KCND3: variants seen among roughly 807,000 people sequenced by gnomAD.
KCND3 encodes the protein potassium voltage-gated channel subfamily D member 3.
A neutral mutation model predicts 51.1 loss-of-function variants in KCND3; 9 were observed. That is an observed-to-expected ratio of 0.18 (90% CI 0.11 to 0.31). The LOEUF (loss-of-function observed/expected upper bound fraction) is 0.31. KCND3 is among the 10% of genes least tolerant of loss of function. KCND3 has a pLI of 1.00. For synonymous variants in KCND3, 349 were observed against 368.0 expected (o/e 0.95, Z 0.59); for missense variants, 526 against 903.8 (o/e 0.58, Z 5.36).
chr1:111,836,269 G>A (rs541473495), intron 2 of KCND3, among the ~76,000 whole-genome samples: 8 of 152,246 alleles, frequency 5.3e-5, no homozygotes, highest in South Asian at 2.1e-4. Context: ...AGTTTGGGCC[G>A]CCTGCCTTCT....
intron 2 of KCND3, among the ~76,000 whole-genome samples, chr1:111,947,878 G>A (rs772685747): frequency 8.5e-5 from 13 of 152,214 alleles, no homozygotes; most frequent in Non-Finnish European, 1.9e-4. Context: ...TTGTATTACT[G>A]TGTTTGGCTT....
intron 2 of KCND3, among the ~76,000 whole-genome samples, chr1:111,945,604 T>C (rs1181673376): frequency 6.6e-6 from 1 of 152,190 alleles, no homozygotes; most frequent in East Asian, 1.9e-4. Context: ...AAATGATCGA[T>C]TCAGGCTTTG....
chr1:111,799,959 A>C (rs933154749), intron 2 of KCND3, among the ~76,000 whole-genome samples: 2 of 152,008 alleles, frequency 1.3e-5, no homozygotes, highest in African/African-American at 4.8e-5. Context: ...CCCGTCCGGG[A>C]GGTGAGGGGC....
At chr1:111,782,041 C>T (rs577059766) in intron 3 of KCND3, among the ~76,000 whole-genome samples, 1 of 152,264 alleles carries the variant, frequency 6.6e-6, no homozygotes, top group South Asian at 2.1e-4. Flanking sequence ...CAGACCCATC[C>T]TGGAGTAGAA....
chr1:111,986,708 G>A (rs748906773), intron 1 of KCND3, among the ~76,000 whole-genome samples: 13 of 152,224 alleles, frequency 8.5e-5, no homozygotes, highest in Non-Finnish European at 1.6e-4. Context: ...GTCTCATTGA[G>A]ACCTCTTAAT....
intron 2 of KCND3, among the ~76,000 whole-genome samples, chr1:111,847,982 C>T (rs1667636021): frequency 6.6e-6 from 1 of 152,248 alleles, no homozygotes; most frequent in Admixed American, 6.5e-5. Flanking sequence ...CTCCCACGGC[C>T]TCCCCTCAGG....
intron 2 of KCND3, among the ~76,000 whole-genome samples, chr1:111,885,659 C>T (rs1261619107): frequency 6.6e-6 from 1 of 151,884 alleles, no homozygotes; most frequent in East Asian, 1.9e-4. Flanking sequence ...TTTCCATTTA[C>T]CCTGTTACAT....
At chr1:111,860,388 T>C (rs911163978) in intron 2 of KCND3, among the ~76,000 whole-genome samples, 2 of 152,198 alleles carry the variant, frequency 1.3e-5, no homozygotes, top group Non-Finnish European at 2.9e-5. Context: ...AGGTGCTTGA[T>C]TGATACTTGT....
chr1:111,884,732 G>A (rs1286806798), intron 2 of KCND3, among the ~76,000 whole-genome samples: 3 of 152,222 alleles, frequency 2.0e-5, no homozygotes, highest in Non-Finnish European at 4.4e-5. Flanking sequence ...AGAATTGCAT[G>A]TTAATGTAAC....
Position 111,807,198 on chromosome 1 carries a change from C to A in KCND3, c.1107-20092G>T, listed in dbSNP as rs566759810. On this transcript the variant is annotated intron_variant, in intron 2 of 7. Coordinates refer to ENST00000302127, the MANE Select transcript of KCND3 (RefSeq NM_001378969.1). ...GAAGAAAATGATGATAAAAAGAGACCCCCAAAGAAGTGACATATAGTCATG... is the reference window on the plus strand; with the variant it reads ...GAAGAAAATGATGATAAAAAGAGACACCCAAAGAAGTGACATATAGTCATG... Among the ~76,000 whole-genome samples the A allele has an allele frequency of 3.9e-5, 6 of 152,126 alleles. No individual in the cohort carries two copies. In the South Asian group the frequency reaches 1.2e-3, roughly 32 times the overall value.
chr1:111,929,610 G>C (rs1671867444), intron 2 of KCND3, among the ~76,000 whole-genome samples: 1 of 152,206 alleles, frequency 6.6e-6, no homozygotes, highest in African/African-American at 2.4e-5. Flanking sequence ...GTACCAGAAA[G>C]TGGAGTGAAC....
chr1:111,905,041 G>T (rs200901454), intron 2 of KCND3, among the ~76,000 whole-genome samples: 6 of 152,146 alleles, frequency 3.9e-5, no homozygotes, highest in Non-Finnish European at 7.4e-5. Flanking sequence ...GCTCTTCCCC[G>T]TACCTCCCCA....
At chr1:111,921,817 A>G (rs1263516555) in intron 2 of KCND3, among the ~76,000 whole-genome samples, 1 of 152,144 alleles carries the variant, frequency 6.6e-6, no homozygotes, top group East Asian at 1.9e-4. Flanking sequence ...ATTGCATGAA[A>G]AAAAAGCTGA....
intron 2 of KCND3, among the ~76,000 whole-genome samples, chr1:111,884,132 G>A (rs980632683): frequency 6.6e-6 from 1 of 152,166 alleles, no homozygotes; most frequent in Non-Finnish European, 1.5e-5. Context: ...ATATGGAGAT[G>A]GGCCATTTTT....
intron 2 of KCND3, among the ~76,000 whole-genome samples, chr1:111,927,049 C>T (rs1671735676): frequency 6.6e-6 from 1 of 152,180 alleles, no homozygotes; most frequent in Non-Finnish European, 1.5e-5. Context: ...TCTATTTTTC[C>T]ACTGAATCCT....
At chr1:111,944,841 G>A (rs994903801) in intron 2 of KCND3, among the ~76,000 whole-genome samples, 6 of 152,172 alleles carry the variant, frequency 3.9e-5, no homozygotes, top group South Asian at 2.1e-4. Context: ...TACCATTACC[G>A]GAGGCCCAGG....
In KCND3 at chr1:111,967,680, G is replaced by T. The variant is rs192981291; in HGVS notation, c.1106+13941C>A. 2.6e-4 allele frequency among the ~76,000 whole-genome samples: 40 copies of T among 152,318 alleles called. No individual in the cohort carries two copies. In the East Asian group the frequency reaches 5.6e-3, roughly 21 times the overall value. On this transcript the variant is annotated intron_variant, in intron 2 of 7. Coordinates refer to ENST00000302127, the MANE Select transcript of KCND3 (RefSeq NM_001378969.1). ...GGACCCCAGTGCGCTACCTTCTTAG[G>T]GGCTGGTTCTCCAGGGTAAGGATTA...
Position 111,786,841 on chromosome 1 carries a change from C to G in KCND3, c.1269+103G>C. 2.9e-6 allele frequency: 4 copies of G among 1,393,878 alleles called. No homozygotes were observed. The South Asian group carries it at 4.7e-5, about 16-fold the overall frequency. The allele number at this position is 1,393,878 out of a possible 1,614,324, so 86.3% of individuals were successfully genotyped here. A position where few individuals can be genotyped will look rare whatever the true frequency, so the allele number is the denominator to read the frequency against. The stretch of plus-strand genomic sequence containing the variant: ...CTACCTTACCTTGCAAAGCCAGAGG[C>G]CATCTGTGCAGTGATCCTGTGAGGA... On this transcript the variant is annotated intron_variant, in intron 3 of 7. Coordinates refer to ENST00000302127, the MANE Select transcript of KCND3 (RefSeq NM_001378969.1).
chr1:111,875,881 A>T (rs918146626), intron 2 of KCND3, among the ~76,000 whole-genome samples: 2 of 152,228 alleles, frequency 1.3e-5, no homozygotes, highest in African/African-American at 4.8e-5. Context: ...AAATGTAATA[A>T]TCTCAGCTTT....
Sources: allele counts gnomAD v4.1 joint callset (sites outside exome capture counted in the v4.1 genomes callset), GRCh38; gene constraint gnomAD v4.1.1; transcripts MANE v1.5; gene names NCBI Gene and HGNC (gene_info 2026-07-23, HGNC 2026-07-21).